The following ADGRL2 variants were observed in gnomAD, a reference collection of about 807,000 sequenced individuals.
ADGRL2 encodes the protein adhesion G protein-coupled receptor L2.
In ADGRL2, 44 loss-of-function variants were observed where a neutral mutation model predicts 157.4. That is an observed-to-expected ratio of 0.28 (90% CI 0.22 to 0.36). The LOEUF is 0.36. Among genes scored for constraint, ADGRL2 ranks in the 10% least tolerant of loss-of-function variants. The probability of loss-of-function intolerance (pLI) is 1.00; values close to 1 mark genes in which losing one functional copy is unlikely to be tolerated. For missense variants in ADGRL2, 1,510 were observed against 1,768.9 expected, an observed-to-expected ratio of 0.85 and a Z score of 2.63; for synonymous variants, 585 against 624.7, an observed-to-expected ratio of 0.94 and a Z score of 0.95.
At chr1:81,630,486 T>TA (rs1420746488) in intron 3 of ADGRL2, among the ~76,000 whole-genome samples, 2 of 152,170 alleles carry the variant, frequency 1.3e-5, no homozygotes, top group African/African-American at 4.8e-5. Context: ...TGCAATTTTT[T>TA]AAAAAAGGTG....
chr1:81,949,660 C>G (rs1312671456), intron 6 of ADGRL2, among the ~76,000 whole-genome samples: 1 of 152,194 alleles, frequency 6.6e-6, no homozygotes, highest in Non-Finnish European at 1.5e-5. Context: ...GCATGCTGAT[C>G]ATGCTCAGGC....
intron 1 of ADGRL2, among the ~76,000 whole-genome samples, chr1:81,707,236 A>G (rs950763542): frequency 3.9e-5 from 6 of 152,104 alleles, no homozygotes; most frequent in Non-Finnish European, 7.4e-5. Flanking sequence ...ATCAGGGGGA[A>G]AAAAAGGATG....
rs147366501 is a variant in ADGRL2, at chr1:81,453,362, A to T, written c.-248+8273A>T. 1.1e-4 allele frequency among the ~76,000 whole-genome samples: 17 copies of T among 152,318 alleles called. No individual in the cohort carries two copies. In the East Asian group the frequency reaches 3.3e-3, roughly 29 times the overall value. On this transcript the variant is annotated intron_variant, in intron 2 of 24. Transcript: ENST00000370721. ...TGAAAAAACGCCGAGAAAAACAAAG[A>T]CATCTCTCGGTAAATCAGTAAGTTT...
At chr1:81,729,832 C>T (rs193182685) in intron 1 of ADGRL2, among the ~76,000 whole-genome samples, 11 of 152,298 alleles carry the variant, frequency 7.2e-5, no homozygotes, top group African/African-American at 2.4e-4. Flanking sequence ...GCCATATACT[C>T]TGGGTCTTGC....
intron 1 of ADGRL2, among the ~76,000 whole-genome samples, chr1:81,340,791 T>C (rs1172206067): frequency 1.1e-4 from 16 of 152,084 alleles, no homozygotes; most frequent in Admixed American, 7.2e-4. Context: ...TGTGAGTTAG[T>C]CTATACAGAA....
At position 81,616,572 on chromosome 1, in the gene ADGRL2, T is replaced by C. The variant is rs115838186; in HGVS notation, c.-143+35592T>C. ...AGTACTCTATTTTACTAATTCCAAG[T>C]GTTCAGCACTATGAGTCCTCTCACT... is the stretch of plus-strand genomic sequence containing the variant. On this transcript the variant is annotated intron_variant, in intron 3 of 24. Transcript: ENST00000370721. 4.8e-3 allele frequency among the ~76,000 whole-genome samples: 724 copies of C among 152,218 alleles called. 6 individuals are homozygous for C. The highest frequency in any genetic ancestry group is 0.015 in the African/African-American group (625 of 41,538).
At chr1:81,526,140 T>G (rs759855023) in intron 2 of ADGRL2, among the ~76,000 whole-genome samples, 2 of 152,226 alleles carry the variant, frequency 1.3e-5, no homozygotes, top group African/African-American at 4.8e-5. Context: ...ATTAAGCAGA[T>G]TTGCAAGCTT....
chr1:81,498,603 A>G (rs2078778300), intron 2 of ADGRL2, among the ~76,000 whole-genome samples: 1 of 152,224 alleles, frequency 6.6e-6, no homozygotes, highest in Non-Finnish European at 1.5e-5. Context: ...ATTTATGAGA[A>G]GAGAGTTAAC....
rs1239875078 is a variant in ADGRL2, at chr1:81,968,185, C to T, written c.2509C>T (p.His837Tyr). The T allele has an allele frequency of 1.2e-6, 2 of 1,610,932 alleles. No homozygotes were observed. The highest frequency in any genetic ancestry group is 2.7e-5 in the African/African-American group (2 of 74,796). ...HLTNFAILMA[H>Y]REIAYKDGVH... is the part of the protein sequence containing the mutation. ...AACCAATTTTGCAATTCTCATGGCCCACAGGGAAATTGCAGTAAGTATTTG... is the reference window on the plus strand; with the variant it reads ...AACCAATTTTGCAATTCTCATGGCCTACAGGGAAATTGCAGTAAGTATTTG... Residue 837 changes from histidine to tyrosine, a missense_variant, in exon 14 of 24, where the codon CAC (histidine) becomes TAC (tyrosine). Transcript: ENST00000686636.
chr1:81,855,788 T>C (rs11583341), intron 2 of ADGRL2, among the ~76,000 whole-genome samples: 34,437 of 151,934 alleles, frequency 0.23, 5,276 homozygotes, highest in East Asian at 0.68. Flanking sequence ...ATTTGTGCCC[T>C]TTTTCTTAAA....
chr1:81,398,394 A>G (rs2076693952), intron 1 of ADGRL2, among the ~76,000 whole-genome samples: 1 of 151,894 alleles, frequency 6.6e-6, no homozygotes, highest in South Asian at 2.1e-4. Context: ...CTTTTCTCCC[A>G]TTTAAATCAT....
At chr1:81,896,742 A>G (rs1044101918) in intron 2 of ADGRL2, among the ~76,000 whole-genome samples, 7 of 152,160 alleles carry the variant, frequency 4.6e-5, no homozygotes, top group Non-Finnish European at 8.8e-5. Flanking sequence ...CTGAATAACT[A>G]ATATTCAGTT....
intron 3 of ADGRL2, among the ~76,000 whole-genome samples, chr1:81,658,448 G>A (rs1347714463): frequency 6.6e-6 from 1 of 152,146 alleles, no homozygotes; most frequent in Non-Finnish European, 1.5e-5. Context: ...GGGGGAATAA[G>A]TGTACTTTTG....
chr1:81,749,484 ATTGC>A (rs2085419040), intron 1 of ADGRL2, among the ~76,000 whole-genome samples: 1 of 152,016 alleles, frequency 6.6e-6, no homozygotes, highest in Non-Finnish European at 1.5e-5. Flanking sequence ...ACATATTGCT[ATTGC>A]TTGTTGATTG....
At chr1:81,337,404 C>T (rs538890278) in intron 1 of ADGRL2, among the ~76,000 whole-genome samples, 2 of 152,242 alleles carry the variant, frequency 1.3e-5, no homozygotes, top group African/African-American at 2.4e-5. Flanking sequence ...TGCCCCGAAG[C>T]GCTCATCCCA....
intron 2 of ADGRL2, among the ~76,000 whole-genome samples, chr1:81,504,296 T>C (rs982570313): frequency 2.0e-5 from 3 of 151,916 alleles, no homozygotes; most frequent in Non-Finnish European, 4.4e-5. Flanking sequence ...TCCCCAGTCC[T>C]CCCCAGCCTT....
At chr1:81,391,694 T>C (rs1054710259) in intron 1 of ADGRL2, among the ~76,000 whole-genome samples, 2 of 151,872 alleles carry the variant, frequency 1.3e-5, no homozygotes, top group Non-Finnish European at 2.9e-5. Context: ...ACTGACAATT[T>C]AGCCACTTAC....
rs371693474 is a variant in ADGRL2, at chr1:81,968,223, G to A, written c.2523+24G>A. 2.2e-5 allele frequency: 35 copies of A among 1,594,020 alleles called. No individual in the cohort carries two copies. The African/African-American group carries it at 2.8e-4, about 13-fold the overall frequency. ...CAGTAAGTATTTGCACTTCTAATTAGTAGCAGAGAAAAACCTCAGAGATTC... is the reference window on the plus strand; with the variant it reads ...CAGTAAGTATTTGCACTTCTAATTAATAGCAGAGAAAAACCTCAGAGATTC... On this transcript the variant is annotated intron_variant, in intron 14 of 23. Transcript: ENST00000686636.
chr1:81,462,556 T>G (rs2077960572), intron 2 of ADGRL2, among the ~76,000 whole-genome samples: 1 of 152,184 alleles, frequency 6.6e-6, no homozygotes, highest in African/African-American at 2.4e-5. Flanking sequence ...ATTTTTTTCC[T>G]ACATGACCTA....
Sources: gnomAD v4.1 joint callset for allele counts (sites outside exome capture counted in the v4.1 genomes callset) on GRCh38, gnomAD v4.1.1 for gene constraint, MANE v1.5 for transcripts, NCBI Gene and HGNC (gene_info 2026-07-23, HGNC 2026-07-21) for gene names.